Variants in DPP6 observed in about 807,000 individuals in gnomAD.
DPP6 encodes the protein A-type potassium channel modulatory protein DPP6.
In DPP6, 69 loss-of-function variants were observed where a neutral mutation model predicts 122.6. The observed-to-expected ratio is 0.56, with a 90% confidence interval of 0.46 to 0.69. DPP6 has a LOEUF of 0.69. Ranked by LOEUF, DPP6 falls within the 30% of genes least tolerant of loss-of-function variation. DPP6 has a pLI of 0.00. For missense variants in DPP6, 928 were observed against 1,116.9 expected (o/e 0.83, Z 2.41); for synonymous variants, 418 against 433.1 (o/e 0.97, Z 0.43).
chr7:154,866,619 G>A (rs1314600111), intron 17 of DPP6, among the ~76,000 whole-genome samples: 1 of 152,346 alleles, frequency 6.6e-6, no homozygotes, highest in East Asian at 1.9e-4. Flanking sequence ...CAAGGGACAC[G>A]TTTCTCGCAT....
intron 16 of DPP6, among the ~76,000 whole-genome samples, chr7:154,852,535 TG>T (rs1292839958): frequency 6.6e-6 from 1 of 152,104 alleles, no homozygotes; most frequent in African/African-American, 2.4e-5. Context: ...CTCCCTCTCC[TG>T]CCTTTCCTGC....
chr7:154,718,278 G>C (rs1841604422), intron 7 of DPP6, among the ~76,000 whole-genome samples: 1 of 144,696 alleles, frequency 6.9e-6, no homozygotes, highest in Non-Finnish European at 1.6e-5. Flanking sequence ...TTCTATTTTT[G>C]TGTTTGTGCC....
chr7:154,729,106 G>A (rs1301108858), intron 8 of DPP6, among the ~76,000 whole-genome samples: 10 of 152,182 alleles, frequency 6.6e-5, no homozygotes, highest in Admixed American at 6.5e-4. Flanking sequence ...ATTGGGGAAA[G>A]GCGTTGTCCA....
chr7:154,384,679 G>A (rs980778057), intron 1 of DPP6, among the ~76,000 whole-genome samples: 5 of 151,774 alleles, frequency 3.3e-5, no homozygotes, highest in African/African-American at 1.2e-4. Context: ...CTCTAGTAAC[G>A]TTCTGCAGTA....
At chr7:154,678,591 C>T (rs1337773453) in intron 7 of DPP6, among the ~76,000 whole-genome samples, 1 of 152,220 alleles carries the variant, frequency 6.6e-6, no homozygotes, top group Non-Finnish European at 1.5e-5. Context: ...AACCCTAACA[C>T]TCACCGCGAG....
At chr7:153,781,667 G>A in the DPP6 span, among the ~76,000 whole-genome samples, 1 of 152,168 alleles carries the variant, frequency 6.6e-6, no homozygotes, top group South Asian at 2.1e-4. Flanking sequence ...CCTTTATATT[G>A]ATGAGATGCA....
chr7:153,785,647 A>G, the DPP6 span, among the ~76,000 whole-genome samples: 3 of 152,092 alleles, frequency 2.0e-5, no homozygotes, highest in Non-Finnish European at 2.9e-5. Context: ...TACTATATAT[A>G]TACTTTTTTT....
At chr7:154,018,968 G>A (rs983847958) in intron 1 of DPP6, among the ~76,000 whole-genome samples, 1 of 152,160 alleles carries the variant, frequency 6.6e-6, no homozygotes, top group Non-Finnish European at 1.5e-5. Context: ...GTGCAAGTTT[G>A]TAGGGGAAAT....
chr7:154,854,299 T>A (rs1802641113), intron 17 of DPP6, among the ~76,000 whole-genome samples: 1 of 152,058 alleles, frequency 6.6e-6, no homozygotes, highest in African/African-American at 2.4e-5. Flanking sequence ...ATTTGTAAAA[T>A]GGTAGGGAAG....
intron 1 of DPP6, among the ~76,000 whole-genome samples, chr7:153,934,091 G>A (rs867363168): frequency 6.6e-6 from 1 of 152,168 alleles, no homozygotes. Flanking sequence ...GTAGGGTGAC[G>A]CCATCATCAT....
intron 5 of DPP6, among the ~76,000 whole-genome samples, chr7:154,569,915 A>G (rs780255353): frequency 7.2e-5 from 11 of 151,766 alleles, no homozygotes; most frequent in Admixed American, 2.0e-4. Flanking sequence ...AACCTTATGC[A>G]CTGCATCTTG....
chr7:154,668,197 T>TTATATATATATATATGTGTGTGTATA (rs1838291243), intron 6 of DPP6, among the ~76,000 whole-genome samples: 1 of 36,474 alleles, frequency 2.7e-5, no homozygotes, highest in Non-Finnish European at 7.7e-5. Flanking sequence ...TGTGTATATT[T>TTATATATATATATATGTGTGTGTATA]TATATATATA....
At chr7:153,889,317 C>T (rs546934338) in intron 1 of DPP6, among the ~76,000 whole-genome samples, 1 of 152,304 alleles carries the variant, frequency 6.6e-6, no homozygotes, top group African/African-American at 2.4e-5. Context: ...TAATTTCTTG[C>T]ATAAACAGGA....
At chr7:154,714,089 A>T (rs60259338) in intron 7 of DPP6, among the ~76,000 whole-genome samples, 14,551 of 152,226 alleles carry the variant, frequency 0.096, 796 homozygotes, top group African/African-American at 0.15. Flanking sequence ...TTCAGTTCCC[A>T]ACAAGTTCCT....
the DPP6 span, among the ~76,000 whole-genome samples, chr7:153,857,998 T>C: frequency 2.0e-5 from 3 of 152,248 alleles, no homozygotes; most frequent in Non-Finnish European, 2.9e-5. Context: ...TGTGATCTTT[T>C]TGCAAGCACC....
At chr7:153,955,229 G>A (rs1272023324) in intron 1 of DPP6, among the ~76,000 whole-genome samples, 1 of 152,092 alleles carries the variant, frequency 6.6e-6, no homozygotes, top group Non-Finnish European at 1.5e-5. Context: ...GGTTTTTAGG[G>A]ACCACTGTTC....
rs368237733 is a variant in DPP6, at chr7:154,137,974, C to T, written c.243+84911C>T. Among the ~76,000 whole-genome samples the T allele has an allele frequency of 2.1e-3, 322 of 152,312 alleles. 1 individual carries two copies. The Middle Eastern group carries it at 0.034, about 16-fold the overall frequency. The stretch of plus-strand genomic sequence containing the variant: ...GTGTTGCCTCAGAGGCCTTAGCTTA[C>T]ACAATTCCTGGGGTCAGGGTTGGGT... On this transcript the variant is annotated intron_variant, in intron 1 of 25. Coordinates refer to ENST00000377770, the MANE Select transcript of DPP6 (RefSeq NM_130797.4).
chr7:154,742,067 C>T (rs1842843462), intron 8 of DPP6, among the ~76,000 whole-genome samples: 1 of 152,204 alleles, frequency 6.6e-6, no homozygotes, highest in East Asian at 1.9e-4. Context: ...TTGCAGTGCC[C>T]CACCCAACGG....
intron 1 of DPP6, among the ~76,000 whole-genome samples, chr7:153,955,534 G>T (rs1475713303): frequency 2.6e-5 from 4 of 152,102 alleles, no homozygotes; most frequent in African/African-American, 9.7e-5. Context: ...TGCCTCCCAG[G>T]TTCAAGCAAT....
Sources: gnomAD v4.1 joint callset for allele counts (sites outside exome capture counted in the v4.1 genomes callset) on GRCh38, gnomAD v4.1.1 for gene constraint, MANE v1.5 for transcripts, NCBI Gene and HGNC (gene_info 2026-07-23, HGNC 2026-07-21) for gene names.